Variants in FRMD6 observed in about 807,000 individuals in gnomAD.
The protein encoded by FRMD6 is FERM domain containing 6.
A neutral mutation model predicts 73.2 loss-of-function variants in FRMD6; 37 were observed. The observed-to-expected ratio is 0.51, with a 90% confidence interval of 0.39 to 0.66. The LOEUF is 0.66. FRMD6 is among the 30% of genes least tolerant of loss of function. The pLI is 0.00. For synonymous variants in FRMD6, 273 were observed against 282.2 expected, an observed-to-expected ratio of 0.97 and a Z score of 0.33; for missense variants, 714 against 780.5, an observed-to-expected ratio of 0.91 and a Z score of 1.02.
At chr14:51,454,035 A>G in the FRMD6 span, among the ~76,000 whole-genome samples, 1 of 152,206 alleles carries the variant, frequency 6.6e-6, no homozygotes, top group Non-Finnish European at 1.5e-5. Context: ...CCACAGCAGC[A>G]CAATGCCTAC....
At chr14:51,666,673 C>A (rs1893615312) in intron 1 of FRMD6, among the ~76,000 whole-genome samples, 1 of 152,054 alleles carries the variant, frequency 6.6e-6, no homozygotes, top group African/African-American at 2.4e-5. Context: ...AATTTTGTAA[C>A]AAAATAATAG....
intron 2 of FRMD6, among the ~76,000 whole-genome samples, chr14:51,590,880 T>C (rs1889346613): frequency 6.6e-6 from 1 of 152,262 alleles, no homozygotes. Context: ...CTTACTGTTT[T>C]ACTCTGTGGA....
chr14:51,698,101 A>T, intron 2 of FRMD6, 41 bp from the exon 3 acceptor site: 2 of 1,434,052 alleles, frequency 1.4e-6, no homozygotes, highest in Non-Finnish European at 2.0e-6. Flanking sequence ...GGGTGGACTT[A>T]GTTGAATTGT....
At chr14:51,578,239 G>C (rs1486497550) in intron 2 of FRMD6, among the ~76,000 whole-genome samples, 1 of 152,002 alleles carries the variant, frequency 6.6e-6, no homozygotes, top group East Asian at 1.9e-4. Flanking sequence ...GATTTCACTT[G>C]GTTATCATAG....
chr14:51,582,466 C>A lies in FRMD6; in HGVS notation c.-147+12056C>A, dbSNP rs1056203269. ...TTCACCTCAAGTATTGTAACCACAC[C>A]ATTTTGTGGCTCCAGACCCACCATG... On this transcript the variant is annotated intron_variant, in intron 2 of 14. Transcript: ENST00000356218. 4.6e-5 allele frequency among the ~76,000 whole-genome samples: 7 copies of A among 152,158 alleles called. 1 individual carries two copies. The East Asian group carries it at 1.4e-3, about 29-fold the overall frequency.
intron 8 of FRMD6, 65 bp downstream of exon 8, chr14:51,711,661 G>T: frequency 8.5e-7 from 1 of 1,176,120 alleles, no homozygotes; most frequent in South Asian, 1.2e-5. Context: ...ATGCCTCTGT[G>T]GTCCTGCCAC....
upstream of FRMD6, chr14:51,651,721 C>A (rs1892397671): frequency 6.9e-6 from 1 of 144,944 alleles, no homozygotes; most frequent in South Asian, 2.2e-4. Flanking sequence ...GGCGGGCGGG[C>A]GCTCCCCGTA....
Position 51,701,117 on chromosome 14 carries a change from G to T in FRMD6, c.252G>T (p.Trp84Cys). 2 of 1,585,276 alleles carry T rather than the reference G, an allele frequency of 1.3e-6. No homozygotes were observed. The highest frequency in any genetic ancestry group is 1.7e-6 in the Non-Finnish European group (2 of 1,162,822). Residue 84 changes from tryptophan (W) to cysteine (C), a missense_variant, in exon 4 of 14, where the codon TGG becomes TGT. By Grantham distance (215) the Trp-to-Cys change is radical. Coordinates refer to ENST00000344768, the MANE Select transcript of FRMD6 (RefSeq NM_001267046.2). ...TTTACAAATATTGTCCAAAAGAATG[G>T]AAGAAAGAGGCCAGCAAGGTACGAC... ...QKLYKYCPKE[W>C]KKEASKVRQY...
intron 1 of FRMD6, among the ~76,000 whole-genome samples, chr14:51,660,197 A>C (rs1267794259): frequency 6.6e-6 from 1 of 152,214 alleles, no homozygotes; most frequent in Admixed American, 6.5e-5. Flanking sequence ...AGTATTCAGG[A>C]CTGTGCTGAA....
intron 2 of FRMD6, among the ~76,000 whole-genome samples, chr14:51,599,603 G>T (rs1415786702): frequency 1.3e-5 from 2 of 152,072 alleles, no homozygotes; most frequent in Admixed American, 6.6e-5. Flanking sequence ...TCCAGCAAAG[G>T]TCTAATATCT....
intron 2 of FRMD6, among the ~76,000 whole-genome samples, chr14:51,594,404 C>T (rs935909283): frequency 1.3e-5 from 2 of 151,942 alleles, no homozygotes; most frequent in Non-Finnish European, 1.5e-5. Flanking sequence ...TCTTGGCTCA[C>T]GGCAACCTCT....
At chr14:51,664,801 G>T (rs995459630) in intron 1 of FRMD6, among the ~76,000 whole-genome samples, 7 of 152,036 alleles carry the variant, frequency 4.6e-5, no homozygotes, top group African/African-American at 1.7e-4. Flanking sequence ...CATTTTGAAT[G>T]TTTTTTTCAG....
chr14:51,639,077 C>G (rs1314990939), intron 2 of FRMD6, among the ~76,000 whole-genome samples: 1 of 151,550 alleles, frequency 6.6e-6, no homozygotes, highest in Admixed American at 6.6e-5. Context: ...TTTATTAAAA[C>G]TAGGTGTTCC....
intron 5 of FRMD6, among the ~76,000 whole-genome samples, chr14:51,703,698 G>A (rs1896464585): frequency 6.6e-6 from 1 of 152,006 alleles, no homozygotes; most frequent in East Asian, 1.9e-4. Context: ...ATAAACAAAA[G>A]TGCTCTGAAA....
At chr14:51,440,758 G>A in the FRMD6 span, among the ~76,000 whole-genome samples, 6 of 152,322 alleles carry the variant, frequency 3.9e-5, no homozygotes, top group East Asian at 7.7e-4. Context: ...TACTTACAAC[G>A]TGTCAAGCAC....
the FRMD6 span, among the ~76,000 whole-genome samples, chr14:51,457,038 G>T: frequency 6.6e-6 from 1 of 152,210 alleles, no homozygotes; most frequent in African/African-American, 2.4e-5. Context: ...AAAAGTTACA[G>T]TTAGGCAGAA....
intron 2 of FRMD6, among the ~76,000 whole-genome samples, chr14:51,581,537 A>G (rs1412042209): frequency 6.6e-6 from 1 of 152,230 alleles, no homozygotes; most frequent in Non-Finnish European, 1.5e-5. Flanking sequence ...TCAAGTACCA[A>G]TTCAAAAGAC....
At chr14:51,592,323 T>C (rs1483145522) in intron 2 of FRMD6, among the ~76,000 whole-genome samples, 1 of 152,238 alleles carries the variant, frequency 6.6e-6, no homozygotes, top group Non-Finnish European at 1.5e-5. Context: ...ACTATAGCTC[T>C]GTAAAGGCAT....
intron 2 of FRMD6, among the ~76,000 whole-genome samples, chr14:51,645,190 A>G (rs963860838): frequency 2.0e-5 from 3 of 152,248 alleles, no homozygotes; most frequent in Admixed American, 1.3e-4. Flanking sequence ...AGCCAAATCA[A>G]AATGAATGCA....
Sources: allele counts gnomAD v4.1 joint callset (sites outside exome capture counted in the v4.1 genomes callset), GRCh38; gene constraint gnomAD v4.1.1; transcripts MANE v1.5; gene names NCBI Gene and HGNC (gene_info 2026-07-23, HGNC 2026-07-21).